Variants in MYBL2 observed in about 807,000 individuals in gnomAD.
MYBL2 encodes the protein MYB proto-oncogene like 2, also known as myb-related protein B.
Under a neutral mutation model 79.9 loss-of-function variants are expected in MYBL2, and 28 were observed. That is an observed-to-expected ratio of 0.35 (90% CI 0.26 to 0.48). MYBL2 has a LOEUF of 0.48. Ranked by LOEUF, MYBL2 falls within the 20% of genes least tolerant of loss-of-function variation. MYBL2 has a pLI of 0.99. For missense variants in MYBL2, 735 were observed against 893.9 expected, an observed-to-expected ratio of 0.82 and a Z score of 2.27; for synonymous variants, 378 against 361.2, an observed-to-expected ratio of 1.05 and a Z score of -0.53.
At chr20:43,667,977 A>G (rs1290380376) in intron 1 of MYBL2, among the ~76,000 whole-genome samples, 2 of 152,002 alleles carry the variant, frequency 1.3e-5, no homozygotes, top group Non-Finnish European at 2.9e-5. Context: ...TCCCTGGGGC[A>G]AAGGCAGGAA....
intron 5 of MYBL2, 25 bp downstream of exon 5, chr20:43,687,097 G>A: frequency 1.2e-6 from 2 of 1,607,010 alleles, no homozygotes; most frequent in East Asian, 2.2e-5. Context: ...TGGGGGTTGG[G>A]ACAGGTTCCC....
intron 1 of MYBL2, among the ~76,000 whole-genome samples, chr20:43,672,006 A>C (rs1986871735): frequency 6.6e-6 from 1 of 150,624 alleles, no homozygotes; most frequent in South Asian, 2.1e-4. Context: ...TCAGGAGTTC[A>C]AGACCAGCCT....
At position 43,681,762 on chromosome 20, in the gene MYBL2, CCT is replaced by C. The variant is rs768309477; in HGVS notation, c.115-21_115-20del. ...TTTCTGCACGTATGTGTGCTGAGCC[CCT>C]GTCTTTCTGGTGTTGGCAGGACGAG... On this transcript the variant is annotated intron_variant, in intron 2 of 13. Transcript: ENST00000217026. The C allele has an allele frequency of 4.6e-5, 74 of 1,613,972 alleles. No homozygotes were observed. The highest frequency in any genetic ancestry group is 5.9e-5 in the Non-Finnish European group (70 of 1,179,938).
chr20:43,694,882 C>T (rs1427406809), intron 6 of MYBL2, among the ~76,000 whole-genome samples: 1 of 152,150 alleles, frequency 6.6e-6, no homozygotes, highest in African/African-American at 2.4e-5. Flanking sequence ...CAGCATAGGA[C>T]AGAGTGAACA....
chr20:43,712,979 C>G (rs989656429), intron 11 of MYBL2, 23 bp from the exon 12 acceptor site: 1 of 1,580,652 alleles, frequency 6.3e-7, no homozygotes, highest in South Asian at 1.1e-5. Context: ...CACCCTAACC[C>G]CCTTCTATCT....
At chr20:43,704,870 C>T (rs1987745449) in intron 8 of MYBL2, among the ~76,000 whole-genome samples, 1 of 152,198 alleles carries the variant, frequency 6.6e-6, no homozygotes. Flanking sequence ...TGCCTTTTGC[C>T]TTCACAGGTC....
chr20:43,677,250 A>G (rs1240611409), intron 2 of MYBL2, among the ~76,000 whole-genome samples: 2 of 152,170 alleles, frequency 1.3e-5, no homozygotes, highest in African/African-American at 4.8e-5. Flanking sequence ...GAGAGATAAG[A>G]CCGTGTGCAG....
chr20:43,713,168 G>A, intron 12 of MYBL2, 62 bp downstream of exon 12: 1 of 1,221,486 alleles, frequency 8.2e-7, no homozygotes, highest in Admixed American at 2.2e-5. Context: ...TGGAGTTAGT[G>A]TAGTGACTCT....
intron 7 of MYBL2, among the ~76,000 whole-genome samples, chr20:43,701,687 T>C (rs1987677499): frequency 6.6e-6 from 1 of 152,194 alleles, no homozygotes; most frequent in East Asian, 1.9e-4. Context: ...GCATCAATGA[T>C]GAGTGACATC....
Position 43,673,820 on chromosome 20 carries a change from A to T in MYBL2, c.35A>T (p.Glu12Val). Residue 12 changes from glutamate (E) to valine (V), a missense_variant, in exon 2 of 14, where the codon GAG (glutamate) becomes GTG (valine). Glu to Val is a moderately radical substitution (Grantham distance 121). Coordinates refer to ENST00000217026, the MANE Select transcript of MYBL2 (RefSeq NM_002466.4). Reference protein sequence around the residue: ...SRRTRCEDLDELHYQDTDSDV... With the variant: ...SRRTRCEDLDVLHYQDTDSDV... ...TTTCCCCATAGCGAGGATCTGGATGAGCTGCACTACCAGGACACAGATTCA... is the reference window on the plus strand; with the variant it reads ...TTTCCCCATAGCGAGGATCTGGATGTGCTGCACTACCAGGACACAGATTCA... The T allele has an allele frequency of 6.4e-7, 1 of 1,564,574 alleles. No individual in the cohort carries two copies. Among genetic ancestry groups the T allele is most frequent in the South Asian group, 1.2e-5 (1 of 85,130 alleles).
chr20:43,702,720 C>T lies in MYBL2; in HGVS notation c.1182C>T (p.Pro394=), dbSNP rs761972194. The part of the protein sequence containing the change: ...SSRGELIPIS[P]STEVGGSGIG... Reference sequence around the variant, plus strand: ...GGGGCGAGCTGATCCCCATCTCCCCCAGCACTGAAGTCGGGGGCTCTGGCA... The same window carrying T: ...GGGGCGAGCTGATCCCCATCTCCCCTAGCACTGAAGTCGGGGGCTCTGGCA... Residue 394 remains proline (P), a synonymous_variant, in exon 8 of 14, where the codon CCC becomes CCT. Coordinates refer to ENST00000217026, the MANE Select transcript of MYBL2 (RefSeq NM_002466.4). The T allele has an allele frequency of 3.1e-6, 5 of 1,613,884 alleles. No individual in the cohort carries two copies. The highest frequency in any genetic ancestry group is 4.2e-6 in the Non-Finnish European group (5 of 1,179,894).
chr20:43,676,538 T>C (rs970119839), intron 2 of MYBL2, among the ~76,000 whole-genome samples: 1 of 152,236 alleles, frequency 6.6e-6, no homozygotes, highest in Non-Finnish European at 1.5e-5. Flanking sequence ...TAGTCCATTG[T>C]ATGGGTATAC....
At chr20:43,689,538 G>A (rs1026207945) in intron 5 of MYBL2, among the ~76,000 whole-genome samples, 5 of 152,030 alleles carry the variant, frequency 3.3e-5, no homozygotes, top group African/African-American at 7.2e-5. Flanking sequence ...GTGCACTCCC[G>A]CTTGTGCCTA....
chr20:43,667,618 G>T (rs1370847778), intron 1 of MYBL2, among the ~76,000 whole-genome samples: 1 of 152,200 alleles, frequency 6.6e-6, no homozygotes, highest in Non-Finnish European at 1.5e-5. Flanking sequence ...GCGGGATGGG[G>T]GTGGGCCGGC....
Position 43,709,491 on chromosome 20 carries a change from G to A in MYBL2, c.1506-472G>A, listed in dbSNP as rs575614664. 3.5e-4 allele frequency among the ~76,000 whole-genome samples: 53 copies of A among 152,288 alleles called. 1 individual carries two copies. The highest frequency in any genetic ancestry group is 6.5e-4 in the Non-Finnish European group (44 of 68,026). ...TGTTCTGCTGAAGGGTTCCCTCCAC[G>A]TGTCCATCACCTCGGTGAACTCTTG... On this transcript the variant is annotated intron_variant, in intron 9 of 13. Transcript: ENST00000217026.
chr20:43,684,910 C>T (rs1451693614), intron 4 of MYBL2, among the ~76,000 whole-genome samples: 1 of 150,554 alleles, frequency 6.6e-6, no homozygotes, highest in African/African-American at 2.4e-5. Context: ...ATTTTGGGAG[C>T]CTGGGGTGGG....
chr20:43,706,719 G>GTTTTGTTTTTTT (rs1987791605), intron 9 of MYBL2, among the ~76,000 whole-genome samples: 22 of 70,780 alleles, frequency 3.1e-4, no homozygotes, highest in African/African-American at 1.3e-3. Context: ...AAAAAAAAAA[G>GTTTTGTTTTTTT]TTTTTTTTTT....
At chr20:43,684,169 C>T (rs1389545878) in intron 4 of MYBL2, among the ~76,000 whole-genome samples, 8 of 151,670 alleles carry the variant, frequency 5.3e-5, no homozygotes. Context: ...TCAAATGATC[C>T]TCCCACGTCA....
intron 12 of MYBL2, among the ~76,000 whole-genome samples, chr20:43,713,707 T>C (rs1234510967): frequency 6.6e-6 from 1 of 152,142 alleles, no homozygotes; most frequent in Admixed American, 6.5e-5. Flanking sequence ...TCTTAAGGTA[T>C]AGCCAGGCAC....
Sources: allele counts gnomAD v4.1 joint callset (sites outside exome capture counted in the v4.1 genomes callset), GRCh38; gene constraint gnomAD v4.1.1; transcripts MANE v1.5; gene names NCBI Gene and HGNC (gene_info 2026-07-23, HGNC 2026-07-21).